Variants in SLX4IP observed in about 807,000 individuals in gnomAD.
SLX4IP encodes SLX4 interacting protein.
Under a neutral mutation model 32.9 loss-of-function variants are expected in SLX4IP, and 34 were observed. The ratio of observed to expected loss-of-function variants is 1.03; its 90% CI spans 0.79 to 1.38. SLX4IP has a LOEUF of 1.38. Among genes scored for constraint, SLX4IP ranks in the 40% most tolerant of loss-of-function variants. SLX4IP has a pLI of 0.00. For synonymous variants in SLX4IP, 172 were observed against 171.7 expected (o/e 1.00, Z -0.01); for missense variants, 444 against 479.0 (o/e 0.93, Z 0.68).
intron 1 of SLX4IP, among the ~76,000 whole-genome samples, chr20:10,435,763 C>T (rs976621514): frequency 3.3e-5 from 5 of 152,148 alleles, no homozygotes; most frequent in African/African-American, 1.2e-4. Flanking sequence ...GTACAAATAC[C>T]TCCCCCTTCC....
At chr20:10,576,131 T>TA (rs2066520298) in intron 4 of SLX4IP, among the ~76,000 whole-genome samples, 1 of 152,250 alleles carries the variant, frequency 6.6e-6, no homozygotes, top group African/African-American at 2.4e-5. Context: ...GTGGATAACC[T>TA]ACAATTGTGA....
chr20:10,613,519 A>G, intron 6 of SLX4IP: 1 of 1,609,386 alleles, frequency 6.2e-7, no homozygotes, highest in Admixed American at 1.7e-5. Context: ...TGAGCCAGAA[A>G]ATTGTCCATT....
At position 10,473,165 on chromosome 20, in the gene SLX4IP, G is replaced by A. The variant is rs56118132; in HGVS notation, c.27+14934G>A. Among the ~76,000 whole-genome samples, 513 of 152,362 alleles carry A rather than the reference G, an allele frequency of 3.4e-3. 1 individual carries two copies. The highest frequency in any genetic ancestry group is 0.012 in the African/African-American group (492 of 41,582). ...GGCATGGCCAGCATTCGGTCTGGCTGTTATACGCTGTGGTGGTACTTAGCT... is the reference window on the plus strand; with the variant it reads ...GGCATGGCCAGCATTCGGTCTGGCTATTATACGCTGTGGTGGTACTTAGCT... On this transcript the variant is annotated intron_variant, in intron 2 of 7. Coordinates refer to ENST00000334534, the MANE Select transcript of SLX4IP (RefSeq NM_001009608.3).
intron 2 of SLX4IP, among the ~76,000 whole-genome samples, chr20:10,538,926 A>G (rs2066075250): frequency 6.6e-6 from 1 of 152,186 alleles, no homozygotes; most frequent in African/African-American, 2.4e-5. Context: ...AGGTTTCTTA[A>G]TTTAAGGAAT....
chr20:10,618,195 T>C (rs1432268316), intron 6 of SLX4IP, among the ~76,000 whole-genome samples: 2 of 152,206 alleles, frequency 1.3e-5, no homozygotes, highest in Non-Finnish European at 2.9e-5. Flanking sequence ...ATCCTTGGGG[T>C]ACTGGTCTCC....
intron 1 of SLX4IP, among the ~76,000 whole-genome samples, chr20:10,438,977 T>A (rs2065138919): frequency 6.6e-6 from 1 of 151,782 alleles, no homozygotes; most frequent in South Asian, 2.1e-4. Context: ...AGCACTGGTA[T>A]TATAGGCATG....
intron 2 of SLX4IP, among the ~76,000 whole-genome samples, chr20:10,530,400 C>T (rs1292988564): frequency 6.6e-6 from 1 of 152,144 alleles, no homozygotes; most frequent in Non-Finnish European, 1.5e-5. Context: ...TTTGAGTTCC[C>T]TCTGAAGCTA....
At chr20:10,535,400 A>G (rs2066031530) in intron 2 of SLX4IP, among the ~76,000 whole-genome samples, 1 of 152,014 alleles carries the variant, frequency 6.6e-6, no homozygotes, top group South Asian at 2.1e-4. Context: ...TGGCTCACTG[A>G]AACCTCCGCC....
intron 2 of SLX4IP, among the ~76,000 whole-genome samples, chr20:10,551,744 C>T (rs1434093468): frequency 1.3e-5 from 2 of 152,178 alleles, no homozygotes; most frequent in Non-Finnish European, 2.9e-5. Context: ...TTCGAGGATG[C>T]ATAGGATCTC....
At chr20:10,582,807 C>A (rs2066600157) in intron 4 of SLX4IP, among the ~76,000 whole-genome samples, 1 of 152,036 alleles carries the variant, frequency 6.6e-6, no homozygotes, top group Non-Finnish European at 1.5e-5. Context: ...ATAAAAGATA[C>A]TTTTGCCTTC....
chr20:10,589,458 A>C (rs1190787216), intron 4 of SLX4IP, among the ~76,000 whole-genome samples: 1 of 152,198 alleles, frequency 6.6e-6, no homozygotes, highest in Non-Finnish European at 1.5e-5. Context: ...TCAGGAAAGG[A>C]AATTGCCCTA....
chr20:10,497,491 G>A (rs536850336), intron 2 of SLX4IP, among the ~76,000 whole-genome samples: 3 of 152,178 alleles, frequency 2.0e-5, no homozygotes, highest in South Asian at 4.1e-4. Context: ...GCAGTCTCTA[G>A]TATACCCTCT....
chr20:10,590,030 C>A (rs1351721678), intron 4 of SLX4IP, among the ~76,000 whole-genome samples: 1 of 151,930 alleles, frequency 6.6e-6, no homozygotes, highest in Non-Finnish European at 1.5e-5. Flanking sequence ...TCCCCTTACA[C>A]ACATAAAAAA....
intron 4 of SLX4IP, among the ~76,000 whole-genome samples, chr20:10,581,213 T>C (rs2066582708): frequency 6.6e-6 from 1 of 151,828 alleles, no homozygotes; most frequent in Non-Finnish European, 1.5e-5. Flanking sequence ...GGGAAGACCA[T>C]GGGACAAGAT....
chr20:10,622,817 C>T lies in SLX4IP; in HGVS notation c.665C>T (p.Ala222Val). 2 of 1,614,134 alleles carry T rather than the reference C, an allele frequency of 1.2e-6. No homozygotes were observed. The highest frequency in any genetic ancestry group is 2.2e-5 in the South Asian group (2 of 91,078). ...CCCCCATCAGAATCCATGGGACAAG[C>T]AAAGGATTCCATAAAGGCAGCTGAG... ...SSPPSESMGQAKDSIKAAESH... is the reference protein window; with the variant it reads ...SSPPSESMGQVKDSIKAAESH... Residue 222 changes from alanine (A) to valine (V), a missense_variant, in exon 8 of 8, where the codon GCA becomes GTA. Ala to Val is a moderately conservative substitution (Grantham distance 64). Coordinates refer to ENST00000334534, the MANE Select transcript of SLX4IP (RefSeq NM_001009608.3).
At chr20:10,597,845 C>T (rs961115426) in intron 4 of SLX4IP, among the ~76,000 whole-genome samples, 2 of 152,146 alleles carry the variant, frequency 1.3e-5, no homozygotes, top group Non-Finnish European at 2.9e-5. Context: ...TGCATTCTTG[C>T]CAACACTTTA....
At chr20:10,473,946 C>T (rs1340637312) in intron 2 of SLX4IP, among the ~76,000 whole-genome samples, 3 of 152,052 alleles carry the variant, frequency 2.0e-5, no homozygotes, top group African/African-American at 7.2e-5. Flanking sequence ...CTTCAGCCTT[C>T]CAAGTAGCTG....
intron 4 of SLX4IP, among the ~76,000 whole-genome samples, chr20:10,569,137 G>T (rs1342887670): frequency 1.3e-5 from 2 of 151,744 alleles, no homozygotes. Context: ...CTGGAGACTG[G>T]CCAGGTGGCA....
intron 2 of SLX4IP, among the ~76,000 whole-genome samples, chr20:10,496,366 G>A (rs1032858634): frequency 1.3e-5 from 2 of 151,990 alleles, no homozygotes; most frequent in African/African-American, 2.4e-5. Flanking sequence ...ATCATACACA[G>A]TAATTCTCTT....
Sources: gnomAD v4.1 joint callset for allele counts (sites outside exome capture counted in the v4.1 genomes callset) on GRCh38, gnomAD v4.1.1 for gene constraint, MANE v1.5 for transcripts, NCBI Gene and HGNC (gene_info 2026-07-23, HGNC 2026-07-21) for gene names.